IL31RA: variants seen among roughly 807,000 people sequenced by gnomAD.
IL31RA encodes the protein interleukin-31 receptor subunit alpha.
A neutral mutation model predicts 83.7 loss-of-function variants in IL31RA; 66 were observed. That is an observed-to-expected ratio of 0.79 (90% CI 0.65 to 0.97). IL31RA has a LOEUF of 0.97. IL31RA is among the 50% of genes least tolerant of loss of function. The pLI is 0.00. For synonymous variants in IL31RA, 325 were observed against 329.0 expected (o/e 0.99, Z 0.13); for missense variants, 798 against 919.4 (o/e 0.87, Z 1.71).
chr5:55,851,723 A>T, intron 1 of IL31RA, 90 bp downstream of exon 1: 1 of 1,612,032 alleles, frequency 6.2e-7, no homozygotes. Context: ...GGTTGATTTT[A>T]CCTACCTAGT....
At chr5:55,851,266 G>T, upstream of IL31RA, 1 of 458,522 alleles carries the variant, frequency 2.2e-6, no homozygotes, top group South Asian at 2.3e-5. Context: ...ATACATTGTT[G>T]ATTCATCAAC....
At chr5:55,907,310 C>T in intron 9 of IL31RA, 49 bp from the exon 10 acceptor site, 1 of 1,083,564 alleles carries the variant, frequency 9.2e-7, no homozygotes, top group Non-Finnish European at 1.4e-6. Flanking sequence ...GTATTCCCCC[C>T]ACTCTGCCGT....
intron 12 of IL31RA, among the ~76,000 whole-genome samples, chr5:55,912,819 T>A (rs1453601551): frequency 6.7e-6 from 1 of 149,948 alleles, no homozygotes; most frequent in Non-Finnish European, 1.5e-5. Context: ...GTCTAAAAAT[T>A]AGCTGGGCAT....
rs1303197910 is a variant in IL31RA at position 55,919,324 on chromosome 5, T to C, written c.*2204T>C. ...TCTCACACCTGGATGTAGATGAAGC[T>C]TCTGAACCTAAAATCTAAGAATTTG... On this transcript the variant is annotated 3_prime_UTR_variant, in exon 15 of 15. Transcript: ENST00000652347. Among the ~76,000 whole-genome samples the C allele has an allele frequency of 6.6e-6, 1 of 152,152 alleles. No homozygotes were observed. The highest frequency in any genetic ancestry group is 1.9e-4 in the East Asian group (1 of 5,172).
intron 5 of IL31RA, 109 bp downstream of exon 5, chr5:55,883,304 G>T: frequency 9.7e-7 from 1 of 1,035,810 alleles, no homozygotes; most frequent in South Asian, 1.3e-5. Flanking sequence ...ATTAAAAATA[G>T]AAGAGAGACA....
intron 6 of IL31RA, among the ~76,000 whole-genome samples, chr5:55,894,113 T>C (rs1748185933): frequency 6.6e-6 from 1 of 151,976 alleles, no homozygotes; most frequent in Non-Finnish European, 1.5e-5. Flanking sequence ...AATGAACACC[T>C]TGTCTTTAGA....
chr5:55,917,364 T>C lies in IL31RA; in HGVS notation c.*244T>C. The C allele has an allele frequency of 2.2e-6, 3 of 1,352,030 alleles. No homozygotes were observed. The highest frequency in any genetic ancestry group is 2.9e-6 in the Non-Finnish European group (3 of 1,045,396). The allele number at this position is 1,352,030 out of a possible 1,614,324, so 83.8% of individuals were successfully genotyped here. A position where few individuals can be genotyped will look rare whatever the true frequency, so the allele number is the denominator to read the frequency against. The stretch of plus-strand genomic sequence containing the variant: ...AGCAGTCTCTTTTCGTTTGTTCAGA[T>C]ACCAAGCTCTCACCGAGGCCTCCTG... On this transcript the variant is annotated 3_prime_UTR_variant, in exon 15 of 15. Coordinates refer to ENST00000652347, the MANE Select transcript of IL31RA (RefSeq NM_139017.7).
intron 1 of IL31RA, chr5:55,853,267 G>A (rs766019357): frequency 6.2e-5 from 72 of 1,169,604 alleles, no homozygotes; most frequent in Non-Finnish European, 7.4e-5. Flanking sequence ...TGGTCTTTCA[G>A]ATGATCCTTT....
chr5:55,890,205 G>C (rs1472454128), intron 6 of IL31RA, 70 bp downstream of exon 6: 1 of 1,482,198 alleles, frequency 6.7e-7, no homozygotes, highest in African/African-American at 1.4e-5. Context: ...GACTTGGTGG[G>C]GTTTGTCACC....
At chr5:55,898,103 C>T (rs905880087) in intron 7 of IL31RA, among the ~76,000 whole-genome samples, 3 of 152,218 alleles carry the variant, frequency 2.0e-5, no homozygotes, top group African/African-American at 7.2e-5. Flanking sequence ...ATCCCAGATG[C>T]TGTGCTGTCT....
In IL31RA at chr5:55,903,093, G is replaced by A. The variant is rs114199240; in HGVS notation, c.1069+2961G>A. Among the ~76,000 whole-genome samples the A allele has an allele frequency of 2.8e-3, 422 of 152,352 alleles. 1 individual carries two copies. Among genetic ancestry groups the A allele is most frequent in the Non-Finnish European group, 5.0e-3 (343 of 68,042 alleles). ...CCTCCACGTTCCCCTCTTGGAATAA[G>A]GGCTTGGAATGAGGTTCCTTCTGCT... On this transcript the variant is annotated intron_variant, in intron 8 of 14. Transcript: ENST00000652347. This position sits in a 1 kb window ranked among gnomAD's most constrained non-coding sequence, Gnocchi z 4.7.
chr5:55,897,826 T>C, intron 7 of IL31RA, among the ~76,000 whole-genome samples: 1 of 152,132 alleles, frequency 6.6e-6, no homozygotes, highest in Non-Finnish European at 1.5e-5. Flanking sequence ...ATGCCAGAAT[T>C]CCTTCGTGTG....
intron 8 of IL31RA, among the ~76,000 whole-genome samples, chr5:55,900,865 G>A (rs569036214): frequency 5.9e-5 from 9 of 152,242 alleles, no homozygotes; most frequent in Non-Finnish European, 1.2e-4. Context: ...CATGAAGGCA[G>A]TGATTTTTTG....
At chr5:55,857,197 C>T (rs1344329495) in intron 1 of IL31RA, among the ~76,000 whole-genome samples, 2 of 151,992 alleles carry the variant, frequency 1.3e-5, no homozygotes, top group Admixed American at 6.6e-5. Context: ...CTCCCAGGCT[C>T]AAGCCAGCCT....
At chr5:55,879,734 CTT>C (rs5868002) in intron 4 of IL31RA, among the ~76,000 whole-genome samples, 12,067 of 142,672 alleles carry the variant, frequency 0.085, 897 homozygotes, top group African/African-American at 0.2. Context: ...CCAGTCCAGT[CTT>C]TTTTTTTTTT....
chr5:55,841,142 T>A, the IL31RA span, among the ~76,000 whole-genome samples: 1 of 152,242 alleles, frequency 6.6e-6, no homozygotes, highest in Admixed American at 6.5e-5. Flanking sequence ...TCTGTCTTTA[T>A]CATTCTCTCT....
chr5:55,914,190 A>G (rs981547477), intron 13 of IL31RA, among the ~76,000 whole-genome samples: 3 of 152,208 alleles, frequency 2.0e-5, no homozygotes, highest in Admixed American at 1.3e-4. Flanking sequence ...CAAATTAGAC[A>G]GTTGTGAGTC....
chr5:55,872,403 G>T lies in IL31RA; in HGVS notation c.406G>T (p.Asp136Tyr), dbSNP rs148857724. Residue 136 changes from aspartate to tyrosine, a missense_variant, in exon 4 of 15, where the codon GAT becomes TAT. Transcript: ENST00000652347. ...CATTGAGGTGGAAGCTGAAAATGGA[G>T]ATGGTGTAATTAAATCTCATATGAC... ...YTIEVEAENG[D>Y]GVIKSHMTYW... 83 of 1,611,308 alleles carry T rather than the reference G, an allele frequency of 5.2e-5. No homozygotes were observed. The highest frequency in any genetic ancestry group is 6.5e-5 in the Non-Finnish European group (76 of 1,177,686).
intron 4 of IL31RA, among the ~76,000 whole-genome samples, chr5:55,875,345 TG>T (rs904504141): frequency 1.5e-4 from 23 of 152,292 alleles, no homozygotes; most frequent in African/African-American, 5.1e-4. Context: ...TCTTTGTTTT[TG>T]GTATCAGGGT....
Sources: gnomAD v4.1 joint callset for allele counts (sites outside exome capture counted in the v4.1 genomes callset) on GRCh38, gnomAD v4.1.1 for gene constraint, Gnocchi (gnomAD v3.1) non-coding constraint, MANE v1.5 for transcripts, NCBI Gene and HGNC (gene_info 2026-07-23, HGNC 2026-07-21) for gene names.